PTK2: variants seen among roughly 807,000 people sequenced by gnomAD.
PTK2 encodes protein tyrosine kinase 2, also known as focal adhesion kinase 1.
PTK2 carries 45 observed loss-of-function variants against 150.1 expected under a neutral mutation model. The ratio of observed to expected loss-of-function variants is 0.30; its 90% CI spans 0.24 to 0.38. The LOEUF is 0.38. Among genes scored for constraint, PTK2 ranks in the 10% least tolerant of loss-of-function variants. PTK2 has a pLI of 1.00. For missense variants in PTK2, 919 were observed against 1,307.3 expected (o/e 0.70, Z 4.58); for synonymous variants, 432 against 449.2 (o/e 0.96, Z 0.48).
chr8:140,814,529 T>A (rs890466649), intron 10 of PTK2, among the ~76,000 whole-genome samples: 7 of 152,136 alleles, frequency 4.6e-5, no homozygotes, highest in Non-Finnish European at 8.8e-5. Flanking sequence ...ATGTGATTCA[T>A]CACATAAACA....
chr8:140,727,382 C>T (rs2100046483), intron 22 of PTK2, among the ~76,000 whole-genome samples: 1 of 150,338 alleles, frequency 6.7e-6, no homozygotes, highest in Non-Finnish European at 1.5e-5. Flanking sequence ...AGAACACAAA[C>T]AAAAAACTCC....
At chr8:140,980,309 T>C (rs1284257220) in intron 1 of PTK2, among the ~76,000 whole-genome samples, 2 of 152,140 alleles carry the variant, frequency 1.3e-5, no homozygotes, top group Non-Finnish European at 2.9e-5. Flanking sequence ...TAAAGACATA[T>C]AGCATGATAC....
chr8:140,813,989 A>G (rs531267373), intron 10 of PTK2, among the ~76,000 whole-genome samples: 1 of 152,366 alleles, frequency 6.6e-6, no homozygotes, highest in Non-Finnish European at 1.5e-5. Flanking sequence ...CCAACCCCAC[A>G]GAAATACAAA....
At chr8:140,672,733 A>C (rs2100011322) in intron 29 of PTK2, among the ~76,000 whole-genome samples, 1 of 152,186 alleles carries the variant, frequency 6.6e-6, no homozygotes, top group Non-Finnish European at 1.5e-5. Context: ...CTTACCCTGG[A>C]CTAACTTTCT....
At chr8:140,972,857 A>AT (rs2100187832) in intron 1 of PTK2, among the ~76,000 whole-genome samples, 1 of 121,688 alleles carries the variant, frequency 8.2e-6, no homozygotes, top group South Asian at 3.1e-4. Flanking sequence ...TTGCTGACAA[A>AT]TTTCACCCTA....
At chr8:140,681,611 A>C (rs1238600187) in intron 27 of PTK2, among the ~76,000 whole-genome samples, 2 of 151,994 alleles carry the variant, frequency 1.3e-5, no homozygotes, top group African/African-American at 4.8e-5. Flanking sequence ...CACCGTCTCT[A>C]CTAAAAATAC....
intron 4 of PTK2, among the ~76,000 whole-genome samples, chr8:140,868,358 A>G (rs542402386): frequency 6.6e-6 from 1 of 152,360 alleles, no homozygotes; most frequent in Non-Finnish European, 1.5e-5. Context: ...TTTTTAAAAA[A>G]GGGAAGAATG....
At chr8:140,658,019 A>G (rs2074993595) in exon 32 of PTK2, 1 of 152,174 alleles carries the variant, frequency 6.6e-6, no homozygotes, top group Admixed American at 6.5e-5. Context: ...TCTGTGGCTC[A>G]CAGAGATTCT....
chr8:140,905,321 T>C (rs989485174), intron 2 of PTK2, among the ~76,000 whole-genome samples: 92 of 149,940 alleles, frequency 6.1e-4, no homozygotes, highest in Admixed American at 1.3e-3. Flanking sequence ...AATAAAGGGA[T>C]GGAGGAATAT....
At chr8:140,861,688 T>C (rs1421449437) in intron 5 of PTK2, among the ~76,000 whole-genome samples, 1 of 152,210 alleles carries the variant, frequency 6.6e-6, no homozygotes, top group Non-Finnish European at 1.5e-5. Flanking sequence ...TCCTATACAA[T>C]AGTTATTCCA....
chr8:140,664,785 C>G, intron 31 of PTK2, 132 bp downstream of exon 35: 1 of 871,058 alleles, frequency 1.1e-6, no homozygotes, highest in Non-Finnish European at 1.9e-6. Flanking sequence ...GAGGGAAGGT[C>G]ATCGCTTGTA....
intron 8 of PTK2, among the ~76,000 whole-genome samples, chr8:140,819,509 G>C (rs1350578492): frequency 6.6e-6 from 1 of 152,204 alleles, no homozygotes; most frequent in African/African-American, 2.4e-5. Context: ...GGAACAAAAA[G>C]ATTCACTGCA....
intron 1 of PTK2, among the ~76,000 whole-genome samples, chr8:140,960,788 C>T (rs1201348042): frequency 6.6e-6 from 1 of 152,056 alleles, no homozygotes; most frequent in Non-Finnish European, 1.5e-5. Context: ...TAAGACCAAC[C>T]CGACCAACAT....
At chr8:140,803,868 C>A (rs529066584) in intron 10 of PTK2, among the ~76,000 whole-genome samples, 3 of 152,298 alleles carry the variant, frequency 2.0e-5, no homozygotes, top group African/African-American at 7.2e-5. Flanking sequence ...CTGTGATGTG[C>A]TGAGGAGACC....
chr8:140,922,856 C>T (rs1334095015), intron 2 of PTK2, among the ~76,000 whole-genome samples: 3 of 152,168 alleles, frequency 2.0e-5, no homozygotes, highest in African/African-American at 4.8e-5. Context: ...CCACAGCACA[C>T]CACCCTACCA....
intron 31 of PTK2, chr8:140,660,729 C>T (rs1038822393): frequency 2.4e-5 from 10 of 415,026 alleles, no homozygotes; most frequent in African/African-American, 4.1e-5. Context: ...ATTATGTACG[C>T]CCCTCCCCCC....
At chr8:140,789,038 A>G (rs1038419488) in intron 14 of PTK2, among the ~76,000 whole-genome samples, 1 of 152,212 alleles carries the variant, frequency 6.6e-6, no homozygotes, top group African/African-American at 2.4e-5. Flanking sequence ...CAGAATCTTA[A>G]CTATATTTTT....
chr8:140,917,650 G>A (rs2100165822), intron 2 of PTK2, among the ~76,000 whole-genome samples: 1 of 152,074 alleles, frequency 6.6e-6, no homozygotes, highest in Admixed American at 6.5e-5. Flanking sequence ...CTCTGAAAGA[G>A]CCTTTTAAAA....
At chr8:140,834,819 T>C (rs945320850) in intron 7 of PTK2, among the ~76,000 whole-genome samples, 14 of 152,188 alleles carry the variant, frequency 9.2e-5, no homozygotes, top group Non-Finnish European at 2.1e-4. Context: ...ATCCTTTAAG[T>C]GAAAGATTTA....
Sources: allele counts gnomAD v4.1 joint callset (sites outside exome capture counted in the v4.1 genomes callset), GRCh38; gene constraint gnomAD v4.1.1; transcripts MANE v1.5; gene names NCBI Gene and HGNC (gene_info 2026-07-23, HGNC 2026-07-21).